Variants in KDM4B observed in about 807,000 individuals in gnomAD.
KDM4B encodes lysine-specific demethylase 4B.
Under a neutral mutation model 125.2 loss-of-function variants are expected in KDM4B, and 32 were observed. That is an observed-to-expected ratio of 0.26 (90% CI 0.19 to 0.34). The LOEUF is 0.34. Ranked by LOEUF, KDM4B falls within the 10% of genes least tolerant of loss-of-function variation. The pLI is 1.00. For synonymous variants in KDM4B, 721 were observed against 677.9 expected, an observed-to-expected ratio of 1.06 and a Z score of -0.99; for missense variants, 1,190 against 1,577.7, an observed-to-expected ratio of 0.75 and a Z score of 4.16.
intron 3 of KDM4B, among the ~76,000 whole-genome samples, chr19:5,036,258 A>T (rs1202232720): frequency 6.6e-6 from 1 of 152,174 alleles, no homozygotes. Context: ...TCCTGGTTCC[A>T]TCAAAACTGT....
chr19:5,031,349 C>T (rs2036449324), intron 2 of KDM4B, among the ~76,000 whole-genome samples: 1 of 152,264 alleles, frequency 6.6e-6, no homozygotes, highest in African/African-American at 2.4e-5. Flanking sequence ...TGCCTTGACA[C>T]ACACTGTGAC....
intron 1 of KDM4B, among the ~76,000 whole-genome samples, chr19:4,990,187 G>T (rs1180754300): frequency 6.6e-6 from 1 of 152,278 alleles, no homozygotes; most frequent in Middle Eastern, 3.4e-3. Context: ...CTACTTGGGA[G>T]GCTGAGGCAG....
chr19:5,041,206 C>T lies in KDM4B; in HGVS notation c.387C>T (p.Val129=). The change falls in exon 5 of 23, where the codon GTC becomes GTT. Residue 129 remains valine, a synonymous_variant. Coordinates refer to ENST00000159111, the MANE Select transcript of KDM4B (RefSeq NM_015015.3). ...AATACTGGAAGAACCTCACCTTTGT[C>T]TCCCCGATCTACGGGGCTGACATCA... ...ERKYWKNLTF[V]SPIYGADISG... is the part of the protein sequence containing the mutation. 1 of 1,613,396 alleles carries T rather than the reference C, an allele frequency of 6.2e-7. No homozygotes were observed. Among genetic ancestry groups the T allele is most frequent in the Non-Finnish European group, 8.5e-7 (1 of 1,179,472 alleles).
chr19:5,055,004 T>C (rs1298661390), intron 6 of KDM4B, among the ~76,000 whole-genome samples: 1 of 152,240 alleles, frequency 6.6e-6, no homozygotes, highest in Non-Finnish European at 1.5e-5. Flanking sequence ...AGCCTCACAC[T>C]GGGGCGTCCA....
Position 5,047,661 on chromosome 19 carries a change from T to G in KDM4B, c.618T>G (p.Pro206=). Residue 206 remains proline (P), a synonymous_variant, in exon 6 of 23, where the codon CCT becomes CCG. Transcript: ENST00000159111. ...TCAACTACCTGCACTTTGGGGAGCC[T>G]AAGTCCTGGTGAGTGTCTGCACTGG... ...YSINYLHFGE[P]KSWYAIPPEH... 1 of 1,613,550 alleles carries G rather than the reference T, an allele frequency of 6.2e-7. No homozygotes were observed. The highest frequency in any genetic ancestry group is 8.5e-7 in the Non-Finnish European group (1 of 1,179,644).
At chr19:4,985,111 G>A (rs1289084162) in intron 1 of KDM4B, among the ~76,000 whole-genome samples, 2 of 152,158 alleles carry the variant, frequency 1.3e-5, no homozygotes, top group African/African-American at 4.8e-5. Flanking sequence ...TCACCTTGAG[G>A]TCAGGAGTTT....
intron 10 of KDM4B, among the ~76,000 whole-genome samples, chr19:5,113,625 C>T (rs573240327): frequency 3.2e-4 from 48 of 152,286 alleles, no homozygotes; most frequent in Admixed American, 3.1e-3. Context: ...TGGACACAGG[C>T]GGGATCCTTC....
chr19:5,086,309 G>A (rs1271829332), intron 9 of KDM4B, among the ~76,000 whole-genome samples: 1 of 151,814 alleles, frequency 6.6e-6, no homozygotes, highest in African/African-American at 2.4e-5. Context: ...GTGTTCACGG[G>A]TTGGCAAGCT....
At chr19:5,046,832 G>A (rs1296296563) in intron 5 of KDM4B, among the ~76,000 whole-genome samples, 4 of 152,202 alleles carry the variant, frequency 2.6e-5, no homozygotes, top group Non-Finnish European at 4.4e-5. Context: ...CATTGACTTA[G>A]AGGCGTGTTA....
intron 3 of KDM4B, among the ~76,000 whole-genome samples, chr19:5,037,332 G>C (rs191332858): frequency 3.9e-5 from 6 of 152,324 alleles, no homozygotes; most frequent in African/African-American, 1.2e-4. Flanking sequence ...TCAGTTCTCT[G>C]TAGTAACATC....
At chr19:5,068,896 G>T (rs1476899943) in intron 6 of KDM4B, among the ~76,000 whole-genome samples, 1 of 152,218 alleles carries the variant, frequency 6.6e-6, no homozygotes, top group Non-Finnish European at 1.5e-5. Flanking sequence ...CCAATTACAG[G>T]CAGTAATTAA....
intron 11 of KDM4B, among the ~76,000 whole-genome samples, chr19:5,126,460 G>T (rs2039451028): frequency 6.6e-6 from 1 of 152,212 alleles, no homozygotes; most frequent in Non-Finnish European, 1.5e-5. Flanking sequence ...CACAGGGTCA[G>T]GGGGCAGAGC....
At chr19:5,032,524 T>C (rs776399651) in intron 2 of KDM4B, among the ~76,000 whole-genome samples, 2 of 152,196 alleles carry the variant, frequency 1.3e-5, no homozygotes, top group Non-Finnish European at 2.9e-5. Context: ...GAGACTGATG[T>C]GCAGCGGACG....
rs533186112 is a variant in KDM4B at position 5,137,777 on chromosome 19, C to T, written c.2441+101C>T. ...CCCAGTGCCTAGGGGTTGACCATCA[C>T]CTCCACATAACCGCCCTGTGTCATG... On this transcript the variant is annotated intron_variant, in intron 17 of 22. Transcript: ENST00000159111. 1.7e-5 allele frequency: 20 copies of T among 1,193,984 alleles called. No individual in the cohort carries two copies. The East Asian group carries it at 4.9e-4, about 30-fold the overall frequency. The allele number at this position is 1,193,984 out of a possible 1,614,324, so 74.0% of individuals were successfully genotyped here.
chr19:4,988,286 T>A (rs1487788387), intron 1 of KDM4B, among the ~76,000 whole-genome samples: 1 of 152,190 alleles, frequency 6.6e-6, no homozygotes, highest in Non-Finnish European at 1.5e-5. Context: ...TCTTTTTTTT[T>A]CTTTTTTGAG....
At chr19:5,019,334 GTGT>G (rs1456290612) in intron 2 of KDM4B, among the ~76,000 whole-genome samples, 3 of 147,962 alleles carry the variant, frequency 2.0e-5, no homozygotes, top group East Asian at 4.1e-4. Flanking sequence ...TGGCGTGCAG[GTGT>G]TGGTGTGGGT....
chr19:5,150,224 C>A, intron 21 of KDM4B, 134 bp from the exon 22 acceptor site: 1 of 630,426 alleles, frequency 1.6e-6, no homozygotes. Context: ...TGAGCTTCAG[C>A]TTGGCTGCAT....
chr19:4,995,724 T>G (rs932528366), intron 1 of KDM4B, among the ~76,000 whole-genome samples: 1 of 152,238 alleles, frequency 6.6e-6, no homozygotes, highest in African/African-American at 2.4e-5. Flanking sequence ...TGGAGGGACC[T>G]TGGGTCCCAG....
At chr19:4,987,986 C>A (rs2034898540) in intron 1 of KDM4B, among the ~76,000 whole-genome samples, 2 of 152,246 alleles carry the variant, frequency 1.3e-5, no homozygotes, top group Admixed American at 1.3e-4. Context: ...CGGCCACTTC[C>A]TGCACAGCGA....
Sources: gnomAD v4.1 joint callset for allele counts (sites outside exome capture counted in the v4.1 genomes callset) on GRCh38, gnomAD v4.1.1 for gene constraint, MANE v1.5 for transcripts, NCBI Gene and HGNC (gene_info 2026-07-23, HGNC 2026-07-21) for gene names.